ENTPD5: variants seen among roughly 807,000 people sequenced by gnomAD.
ENTPD5 encodes the protein nucleoside diphosphate phosphatase ENTPD5.
A neutral mutation model predicts 60.2 loss-of-function variants in ENTPD5; 49 were observed. The ratio of observed to expected loss-of-function variants is 0.81; its 90% CI spans 0.65 to 1.03. The LOEUF is 1.03. Among genes scored for constraint, ENTPD5 ranks in the 50% least tolerant of loss-of-function variants. The pLI is 0.00. For missense variants in ENTPD5, 480 were observed against 507.6 expected (o/e 0.95, Z 0.52); for synonymous variants, 187 against 185.4 (o/e 1.01, Z -0.07).
At chr14:73,998,247 A>T (rs1301011871) in intron 3 of ENTPD5, among the ~76,000 whole-genome samples, 1 of 152,118 alleles carries the variant, frequency 6.6e-6, no homozygotes, top group African/African-American at 2.4e-5. Flanking sequence ...TGTTGTACAA[A>T]GAAAGCAATT....
At position 73,966,374 on chromosome 14, in the gene ENTPD5, G is replaced by A. The variant is rs576428009; in HGVS notation, c.*554C>T. 6.6e-6 allele frequency: 1 copy of A among 152,316 alleles called. No homozygotes were observed. Among genetic ancestry groups the A allele is most frequent in the East Asian group, 1.9e-4 (1 of 5,190 alleles). The allele number at this position is 152,316 out of a possible 1,614,324, so 9.4% of individuals were successfully genotyped here. A position where few individuals can be genotyped will look rare whatever the true frequency, so the allele number is the denominator to read the frequency against. On this transcript the variant is annotated 3_prime_UTR_variant, in exon 16 of 16. Coordinates refer to ENST00000334696, the MANE Select transcript of ENTPD5 (RefSeq NM_001249.5). ...CTATTAATATTTAGGATGGCTCTCA[G>A]CTGGCTGATTGGAGCTAACACAGAA...
In ENTPD5 at chr14:73,973,044, A is replaced by C; in HGVS notation, c.887-20T>G. On this transcript the variant is annotated intron_variant, in intron 12 of 15. Transcript: ENST00000334696. Reference sequence around the variant, plus strand: ...CCTCCCCTGCCAGGCAAAGGTGCACAGGGGTAAGGTGAGAACGACGCTGGG... The same window carrying C: ...CCTCCCCTGCCAGGCAAAGGTGCACCGGGGTAAGGTGAGAACGACGCTGGG... 1 of 1,613,636 alleles carries C rather than the reference A, an allele frequency of 6.2e-7. No homozygotes were observed. Among genetic ancestry groups the C allele is most frequent in the Middle Eastern group, 1.7e-4 (1 of 6,054 alleles).
chr14:73,960,787 C>T (rs993336917), downstream of ENTPD5: 28 of 376,754 alleles, frequency 7.4e-5, 1 homozygote, highest in South Asian at 2.4e-4. Flanking sequence ...TAAAAAGAGG[C>T]GACGTCTTCT....
At chr14:73,977,097 AT>A (rs773375954) in intron 7 of ENTPD5, 38 bp from the exon 8 acceptor site, 14 of 1,590,732 alleles carry the variant, frequency 8.8e-6, no homozygotes, top group African/African-American at 4.1e-5. Context: ...ATCCCAGAGC[AT>A]TTTTTCTCTT....
chr14:73,958,391 G>A, downstream of ENTPD5: 1 of 1,559,372 alleles, frequency 6.4e-7, no homozygotes, highest in Non-Finnish European at 8.7e-7. Flanking sequence ...AAAACTTTTG[G>A]TTATGAGGAC....
chr14:73,990,427 C>T (rs1359807950), intron 3 of ENTPD5, among the ~76,000 whole-genome samples: 1 of 151,982 alleles, frequency 6.6e-6, no homozygotes, highest in African/African-American at 2.4e-5. Context: ...CATCACCTCC[C>T]GGGCTCAAGT....
At chr14:73,995,612 TAATAA>T (rs1371814150) in intron 3 of ENTPD5, among the ~76,000 whole-genome samples, 1 of 150,626 alleles carries the variant, frequency 6.6e-6, no homozygotes, top group Non-Finnish European at 1.5e-5. Flanking sequence ...ATAATAATAA[TAATAA>T]TAGCTGACTG....
At chr14:73,959,216 C>G, downstream of ENTPD5, 1 of 1,614,236 alleles carries the variant, frequency 6.2e-7, no homozygotes, top group African/African-American at 1.3e-5. Context: ...GCCTATTGCT[C>G]TGCTCCCGGT....
chr14:73,993,344 A>C (rs2058215651), intron 3 of ENTPD5, among the ~76,000 whole-genome samples: 1 of 152,176 alleles, frequency 6.6e-6, no homozygotes, highest in African/African-American at 2.4e-5. Context: ...TCAATAAATA[A>C]AATATTTAAA....
chr14:73,987,057 A>C (rs1359544717), intron 4 of ENTPD5, 164 bp from the exon 5 acceptor site: 1 of 715,366 alleles, frequency 1.4e-6, no homozygotes, highest in South Asian at 1.5e-5. Flanking sequence ...GGAAAGAAGG[A>C]CTAGAGCAAC....
chr14:73,974,648 C>G (rs1050226637), intron 11 of ENTPD5, among the ~76,000 whole-genome samples: 1 of 152,176 alleles, frequency 6.6e-6, no homozygotes, highest in East Asian at 1.9e-4. Context: ...ATTCGTAAAG[C>G]CTGGGATTTC....
chr14:73,959,277 C>A, downstream of ENTPD5: 1 of 1,614,236 alleles, frequency 6.2e-7, no homozygotes, highest in South Asian at 1.1e-5. Flanking sequence ...CTTTCCTCTT[C>A]ACTTTCTCTC....
intron 3 of ENTPD5, among the ~76,000 whole-genome samples, chr14:73,998,023 C>A (rs2058391102): frequency 6.6e-6 from 1 of 152,114 alleles, no homozygotes; most frequent in Non-Finnish European, 1.5e-5. Flanking sequence ...TATATTCATT[C>A]ATTCATTTGG....
intron 11 of ENTPD5, among the ~76,000 whole-genome samples, chr14:73,974,245 A>G (rs1164733226): frequency 1.3e-5 from 2 of 152,174 alleles, no homozygotes; most frequent in Non-Finnish European, 2.9e-5. Flanking sequence ...CTTTCATCAC[A>G]TCTCAAAGAG....
chr14:73,958,308 C>T, downstream of ENTPD5: 2 of 1,612,994 alleles, frequency 1.2e-6, no homozygotes, highest in South Asian at 2.2e-5. Flanking sequence ...TGCTAGGGGT[C>T]TTGTATATCT....
At chr14:73,996,128 CCT>C (rs1286417628) in intron 3 of ENTPD5, 4 of 985,192 alleles carry the variant, frequency 4.1e-6, no homozygotes, top group African/African-American at 1.7e-5. Flanking sequence ...CTGCCGGTTC[CCT>C]GAGTCCTTGC....
chr14:73,984,424 A>G (rs969673776), intron 5 of ENTPD5, among the ~76,000 whole-genome samples: 2 of 152,206 alleles, frequency 1.3e-5, no homozygotes, highest in Non-Finnish European at 2.9e-5. Context: ...TGTGGCAGTA[A>G]TGATGCCATA....
At position 73,980,968 on chromosome 14, in the gene ENTPD5, G is replaced by A. The variant is rs1449324908; in HGVS notation, c.441+2050C>T. ...ACAAAAATTAGCTGGGAGTGGTGGC[G>A]CACGCCTGTAGTCCCAGCTACTCGG... On this transcript the variant is annotated intron_variant, in intron 6 of 15. Transcript: ENST00000334696. Among the ~76,000 whole-genome samples, 8 of 151,844 alleles carry A rather than the reference G, an allele frequency of 5.3e-5. No homozygotes were observed. The East Asian group carries it at 9.8e-4, about 19-fold the overall frequency.
intron 1 of ENTPD5, among the ~76,000 whole-genome samples, chr14:74,016,665 AAAAG>A (rs1214892406): frequency 6.6e-6 from 1 of 152,188 alleles, no homozygotes; most frequent in Non-Finnish European, 1.5e-5. Context: ...AAAAACCAAT[AAAAG>A]AAACTATAAA....
Sources: gnomAD v4.1 joint callset for allele counts (sites outside exome capture counted in the v4.1 genomes callset) on GRCh38, gnomAD v4.1.1 for gene constraint, MANE v1.5 for transcripts, NCBI Gene and HGNC (gene_info 2026-07-23, HGNC 2026-07-21) for gene names.